Variants in NPAS2 observed in about 807,000 individuals in gnomAD.
NPAS2 encodes neuronal PAS domain-containing protein 2.
In NPAS2, 23 loss-of-function variants were observed where a neutral mutation model predicts 107.5. The ratio of observed to expected loss-of-function variants is 0.21; its 90% confidence interval spans 0.15 to 0.30. The LOEUF is 0.30. NPAS2 is among the 10% of genes least tolerant of loss of function. The probability of loss-of-function intolerance (pLI) is 1.00; values close to 1 mark genes in which losing one functional copy is unlikely to be tolerated. For synonymous variants in NPAS2, 403 were observed against 417.5 expected, an observed-to-expected ratio of 0.97 and a Z score of 0.42; for missense variants, 756 against 1,043.3, an observed-to-expected ratio of 0.72 and a Z score of 3.79.
chr2:100,951,981 CT>C, intron 7 of NPAS2, among the ~76,000 whole-genome samples: 1 of 151,920 alleles, frequency 6.6e-6, no homozygotes. Context: ...AACCCCATCT[CT>C]ACTAAAAATA....
intron 1 of NPAS2, among the ~76,000 whole-genome samples, chr2:100,850,249 T>C (rs1242214851): frequency 2.0e-5 from 3 of 152,176 alleles, no homozygotes; most frequent in Non-Finnish European, 4.4e-5. Flanking sequence ...ATTTTAAAAC[T>C]GATACTATAA....
intron 2 of NPAS2, among the ~76,000 whole-genome samples, chr2:100,912,812 C>T (rs1291763645): frequency 1.3e-5 from 2 of 152,248 alleles, no homozygotes; most frequent in African/African-American, 4.8e-5. Flanking sequence ...CATCAGGAGC[C>T]AGCCTCCAAG....
chr2:100,963,040 G>A (rs1676004364), intron 7 of NPAS2, among the ~76,000 whole-genome samples: 1 of 152,262 alleles, frequency 6.6e-6, no homozygotes, highest in African/African-American at 2.4e-5. Context: ...GAAGATGCGT[G>A]AGAGCAGATT....
chr2:100,995,587 C>G lies in NPAS2; in HGVS notation c.*5C>G. The G allele has an allele frequency of 6.2e-7, 1 of 1,602,848 alleles. No homozygotes were observed. Among genetic ancestry groups the G allele is most frequent in the Non-Finnish European group, 8.5e-7 (1 of 1,174,316 alleles). On this transcript the variant is annotated 3_prime_UTR_variant, in exon 21 of 21. Transcript: ENST00000335681. ...CTCCAGCAGCCGCCCCGATAATGCC[C>G]CGGCACTGAAGTCGGGACACAATCA...
At chr2:100,881,446 G>A (rs558818060) in intron 1 of NPAS2, among the ~76,000 whole-genome samples, 19 of 152,366 alleles carry the variant, frequency 1.2e-4, no homozygotes, top group African/African-American at 4.6e-4. Flanking sequence ...AGCACTTTGG[G>A]AGGCCAAGGC....
chr2:100,917,364 C>G (rs1342319121), intron 2 of NPAS2, among the ~76,000 whole-genome samples: 1 of 151,988 alleles, frequency 6.6e-6, no homozygotes, highest in African/African-American at 2.4e-5. Context: ...CCCGTCTCTA[C>G]TAAAAATACA....
chr2:100,858,714 T>C (rs1346970401), intron 1 of NPAS2, among the ~76,000 whole-genome samples: 1 of 152,212 alleles, frequency 6.6e-6, no homozygotes, highest in Non-Finnish European at 1.5e-5. Context: ...AATTAATTAC[T>C]CCCTACTTTA....
At position 100,932,947 on chromosome 2, in the gene NPAS2, A is replaced by G; in HGVS notation, c.219A>G (p.Gln73=). The G allele has an allele frequency of 6.2e-7, 1 of 1,614,172 alleles. No homozygotes were observed. The highest frequency in any genetic ancestry group is 8.5e-7 in the Non-Finnish European group (1 of 1,179,990). ...SAQTEICDIQ[Q]DWKPSFLSNE... is the part of the protein sequence containing the mutation. ...AAACGGAAATCTGTGACATTCAGCA[A>G]GACTGGAAGCCTTCATTCCTCAGTA... The change falls in exon 4 of 21, where the codon CAA becomes CAG. Residue 73 remains glutamine (Q), a synonymous_variant. Transcript: ENST00000335681.
chr2:100,984,179 C>T (rs1041487547), intron 16 of NPAS2: 2 of 152,224 alleles, frequency 1.3e-5, no homozygotes, highest in African/African-American at 4.8e-5. Flanking sequence ...GAGGCCTTAT[C>T]TTTGCAGTGG....
At chr2:100,882,687 G>T (rs1290455303) in intron 1 of NPAS2, among the ~76,000 whole-genome samples, 1 of 152,242 alleles carries the variant, frequency 6.6e-6, no homozygotes, top group African/African-American at 2.4e-5. Flanking sequence ...CTGCTGGCAG[G>T]AGAGAGAGCT....
At chr2:100,822,286 G>A (rs1270479640) in intron 1 of NPAS2, among the ~76,000 whole-genome samples, 1 of 152,214 alleles carries the variant, frequency 6.6e-6, no homozygotes, top group African/African-American at 2.4e-5. Flanking sequence ...TCTGATGAGA[G>A]AGTGTTCAGA....
At position 100,876,890 on chromosome 2, in the gene NPAS2, C is replaced by CAAG. The variant is rs1244773885; in HGVS notation, c.-22-27841_-22-27839dup. On this transcript the variant is annotated intron_variant, in intron 1 of 20. Transcript: ENST00000335681. The stretch of plus-strand genomic sequence containing the variant: ...AGGGTTCAAGAAATGCTGCAAAGAA[C>CAAG]AAGAGCTGCAGCCACCAGGAGATGC... Among the ~76,000 whole-genome samples the CAAG allele has an allele frequency of 2.0e-5, 3 of 152,296 alleles. No homozygotes were observed. In the East Asian group the frequency reaches 5.8e-4, roughly 29 times the overall value.
At chr2:100,979,767 T>G (rs1375061004) in intron 15 of NPAS2, among the ~76,000 whole-genome samples, 1 of 152,012 alleles carries the variant, frequency 6.6e-6, no homozygotes, top group Non-Finnish European at 1.5e-5. Context: ...TGACCTCAGG[T>G]GATCCGCCCA....
chr2:100,893,445 A>C (rs570485986), intron 1 of NPAS2, among the ~76,000 whole-genome samples: 1 of 152,236 alleles, frequency 6.6e-6, no homozygotes, highest in Admixed American at 6.5e-5. Flanking sequence ...GGTGGGGAAG[A>C]GTGTTAGGAT....
intron 2 of NPAS2, among the ~76,000 whole-genome samples, chr2:100,923,820 G>A (rs1263291106): frequency 6.6e-6 from 1 of 152,222 alleles, no homozygotes; most frequent in Non-Finnish European, 1.5e-5. Context: ...TGAAGGGCCT[G>A]TGGCGTGTCA....
chr2:100,868,951 G>T (rs1275380826), intron 1 of NPAS2, among the ~76,000 whole-genome samples: 4 of 151,162 alleles, frequency 2.6e-5, no homozygotes, highest in Non-Finnish European at 4.4e-5. Context: ...TTATTTTTTT[G>T]AGATGGAATC....
chr2:100,912,244 ATTTATTTATTT>A (rs1558865651), intron 2 of NPAS2, among the ~76,000 whole-genome samples: 1 of 109,570 alleles, frequency 9.1e-6, no homozygotes, highest in Non-Finnish European at 1.8e-5. Flanking sequence ...TTATTTATTT[ATTTATTTATTT>A]ATTATTATTA....
At chr2:100,898,605 G>A (rs1449593409) in intron 1 of NPAS2, among the ~76,000 whole-genome samples, 43 of 152,192 alleles carry the variant, frequency 2.8e-4, no homozygotes, top group Non-Finnish European at 1.5e-5. Flanking sequence ...ATATTTTCAA[G>A]TGAAATGCTC....
chr2:100,852,249 T>C (rs1315914457), intron 1 of NPAS2, among the ~76,000 whole-genome samples: 2 of 151,862 alleles, frequency 1.3e-5, no homozygotes, highest in Non-Finnish European at 2.9e-5. Context: ...TACAAAAAAT[T>C]AGCCGGGCGT....
Sources: gnomAD v4.1 joint callset for allele counts (sites outside exome capture counted in the v4.1 genomes callset) on GRCh38, gnomAD v4.1.1 for gene constraint, MANE v1.5 for transcripts, NCBI Gene and HGNC (gene_info 2026-07-23, HGNC 2026-07-21) for gene names.